The following COL21A1 variants were observed in gnomAD, a reference collection of about 807,000 sequenced individuals.
COL21A1 encodes the protein collagen type XXI alpha 1 chain.
COL21A1 carries 149 observed loss-of-function variants against 137.9 expected under a neutral mutation model. The observed-to-expected ratio is 1.08, with a 90% CI of 0.95 to 1.24. The LOEUF (loss-of-function observed/expected upper bound fraction) is 1.24, where lower values mean the gene tolerates loss of function less well. COL21A1 is among the 50% of genes most tolerant of loss of function. The pLI, the probability that COL21A1 is intolerant of heterozygous loss-of-function variation, is 0.00. For synonymous variants in COL21A1, 456 were observed against 391.5 expected (o/e 1.16, Z -1.95); for missense variants, 1,167 against 1,158.4 (o/e 1.01, Z -0.11).
chr6:56,071,503 G>C (rs558148864), intron 20 of COL21A1, among the ~76,000 whole-genome samples: 41 of 151,572 alleles, frequency 2.7e-4, no homozygotes, highest in Non-Finnish European at 5.2e-4. Context: ...TAATTAAGCA[G>C]GTTGGTGTGA....
At position 56,164,420 on chromosome 6, in the gene COL21A1, C is replaced by A. The variant is rs768075152; in HGVS notation, c.1371+3G>T. 6.4e-7 allele frequency: 1 copy of A among 1,571,048 alleles called. No individual in the cohort carries two copies. On this transcript the variant is annotated splice_donor_region_variant and intron_variant, in intron 9 of 29. Coordinates refer to ENST00000244728, the MANE Select transcript of COL21A1 (RefSeq NM_030820.4). ...CAAAAACAGCAAGTTAGGTGTTACC[C>A]ACTTTGGGGCCTTGAAGTCCTGGTT...
chr6:56,130,165 TTATATATATA>T (rs201644225), intron 12 of COL21A1, among the ~76,000 whole-genome samples: 33 of 107,942 alleles, frequency 3.1e-4, no homozygotes, highest in African/African-American at 7.9e-4. Flanking sequence ...TGACAGGGTT[TTATATATATA>T]TATATATATA....
At chr6:56,354,939 G>A (rs1175424841) in intron 1 of COL21A1, among the ~76,000 whole-genome samples, 2 of 152,116 alleles carry the variant, frequency 1.3e-5, no homozygotes, top group Non-Finnish European at 2.9e-5. Context: ...ATCCTCATTG[G>A]TCACCATTGG....
Position 56,289,784 on chromosome 6 carries a change from G to A in COL21A1, c.-39+104187C>T, listed in dbSNP as rs145869536. The stretch of plus-strand genomic sequence containing the variant: ...GCTGTACAGGGGATTGAGGTCTTGA[G>A]TTTTAGGTTAAATGAAGGTTGCCAG... On this transcript the variant is annotated intron_variant, in intron 1 of 28. Coordinates refer to the COL21A1 transcript ENST00000370819. Among the ~76,000 whole-genome samples, 184 of 152,074 alleles carry A rather than the reference G, an allele frequency of 1.2e-3. 1 individual carries two copies. Among genetic ancestry groups the A allele is most frequent in the African/African-American group, 4.3e-3 (180 of 41,494 alleles).
At chr6:56,176,935 AAGGAGGAGGAGGG>A (rs1777520886) in intron 3 of COL21A1, among the ~76,000 whole-genome samples, 3 of 138,792 alleles carry the variant, frequency 2.2e-5, no homozygotes, top group Non-Finnish European at 4.7e-5. Context: ...GGGGAGGAGG[AAGGAGGAGGAGGG>A]AGGAGGAAGG....
At chr6:56,169,933 C>T (rs140465971) in intron 5 of COL21A1, among the ~76,000 whole-genome samples, 11 of 151,894 alleles carry the variant, frequency 7.2e-5, no homozygotes, top group African/African-American at 1.9e-4. Context: ...AATATAATTA[C>T]TAAATGAAGA....
chr6:56,273,862 C>G (rs1319888378), intron 1 of COL21A1, among the ~76,000 whole-genome samples: 3 of 152,118 alleles, frequency 2.0e-5, no homozygotes, highest in Non-Finnish European at 4.4e-5. Context: ...GGAGGGGCTC[C>G]TCCCTAACTC....
intron 1 of COL21A1, among the ~76,000 whole-genome samples, chr6:56,307,442 C>T (rs1207609676): frequency 6.6e-6 from 1 of 152,190 alleles, no homozygotes; most frequent in South Asian, 2.1e-4. Context: ...CTCCCCCAGC[C>T]TCGCTGCCGC....
chr6:56,073,651 T>TTATA (rs1482749474), intron 20 of COL21A1, among the ~76,000 whole-genome samples: 2 of 151,512 alleles, frequency 1.3e-5, no homozygotes, highest in African/African-American at 4.8e-5. Flanking sequence ...TACCACAGGA[T>TTATA]TATATATAGC....
chr6:56,271,015 A>G (rs1398377782), intron 1 of COL21A1, among the ~76,000 whole-genome samples: 1 of 152,224 alleles, frequency 6.6e-6, no homozygotes, highest in Non-Finnish European at 1.5e-5. Context: ...GCACTGCTAT[A>G]AAGATAACCT....
intron 1 of COL21A1, among the ~76,000 whole-genome samples, chr6:56,289,817 T>A (rs1763998656): frequency 6.6e-6 from 1 of 151,640 alleles, no homozygotes; most frequent in Non-Finnish European, 1.5e-5. Flanking sequence ...CAGATGGAGG[T>A]CGTTAAGGGG....
chr6:56,079,422 A>G (rs902248531), intron 17 of COL21A1, among the ~76,000 whole-genome samples: 2 of 151,698 alleles, frequency 1.3e-5, no homozygotes, highest in Non-Finnish European at 3.0e-5. Flanking sequence ...CTGTGATGTT[A>G]GCAGAATTAG....
chr6:56,345,814 G>A (rs1173768044), intron 1 of COL21A1, among the ~76,000 whole-genome samples: 4 of 152,202 alleles, frequency 2.6e-5, no homozygotes, highest in African/African-American at 9.6e-5. Context: ...AGTTGTCAGA[G>A]GAGGCCCAGG....
At chr6:56,099,880 C>G (rs559415500) in intron 17 of COL21A1, among the ~76,000 whole-genome samples, 1 of 152,116 alleles carries the variant, frequency 6.6e-6, no homozygotes, top group African/African-American at 2.4e-5. Flanking sequence ...CTACTTCATG[C>G]CTGGTCTGTC....
rs907659575 is a variant in COL21A1 at position 56,075,440 on chromosome 6, C to T, written c.1911+39G>A. 4.6e-6 allele frequency: 7 copies of T among 1,508,240 alleles called. No homozygotes were observed. In the African/African-American group the frequency reaches 9.9e-5, roughly 21 times the overall value. The allele number at this position is 1,508,240 out of a possible 1,614,324, so 93.4% of individuals were successfully genotyped here. A position where few individuals can be genotyped will look rare whatever the true frequency, so the allele number is the denominator to read the frequency against. On this transcript the variant is annotated intron_variant, in intron 19 of 29. Coordinates refer to ENST00000244728, the MANE Select transcript of COL21A1 (RefSeq NM_030820.4). The stretch of plus-strand genomic sequence containing the variant: ...CTCCTAGTAGGTAGTAGCAACACTG[C>T]AAACACTTTGATGTATGATGATAAT...
chr6:56,213,998 A>C (rs2152308041), intron 1 of COL21A1, among the ~76,000 whole-genome samples: 1 of 152,230 alleles, frequency 6.6e-6, no homozygotes, highest in Middle Eastern at 3.4e-3. Flanking sequence ...TGGTACCTAA[A>C]TAGGAAAGAT....
chr6:56,270,711 T>C (rs1233399883), intron 1 of COL21A1, among the ~76,000 whole-genome samples: 1 of 152,072 alleles, frequency 6.6e-6, no homozygotes, highest in East Asian at 1.9e-4. Flanking sequence ...GACTGAAACA[T>C]AGGGGTGGTT....
At chr6:56,357,970 A>C (rs1267184118) in intron 1 of COL21A1, among the ~76,000 whole-genome samples, 1 of 152,176 alleles carries the variant, frequency 6.6e-6, no homozygotes, top group Non-Finnish European at 1.5e-5. Context: ...GAAATACCTC[A>C]ATTTCTTCGT....
At chr6:56,353,899 C>T (rs1389796462) in intron 1 of COL21A1, among the ~76,000 whole-genome samples, 3 of 151,988 alleles carry the variant, frequency 2.0e-5, no homozygotes, top group African/African-American at 7.3e-5. Flanking sequence ...TACAAGAGAA[C>T]ATAATTTTTA....
Sources: allele counts gnomAD v4.1 joint callset (sites outside exome capture counted in the v4.1 genomes callset), GRCh38; gene constraint gnomAD v4.1.1; transcripts MANE v1.5; gene names NCBI Gene and HGNC (gene_info 2026-07-23, HGNC 2026-07-21).